The following FHIT variants were observed in gnomAD, a reference collection of about 807,000 sequenced individuals.
FHIT encodes bis(5'-adenosyl)-triphosphatase.
FHIT carries 19 observed loss-of-function variants against 17.9 expected under a neutral mutation model. The ratio of observed to expected loss-of-function variants is 1.06; its 90% CI spans 0.74 to 1.56. The LOEUF is 1.56. FHIT is among the 40% of genes most tolerant of loss of function. The pLI is 0.00. For synonymous variants in FHIT, 81 were observed against 69.7 expected, an observed-to-expected ratio of 1.16 and a Z score of -0.81; for missense variants, 248 against 189.2, an observed-to-expected ratio of 1.31 and a Z score of -1.82.
At chr3:60,707,668 C>T (rs569320895) in intron 4 of FHIT, among the ~76,000 whole-genome samples, 7 of 152,260 alleles carry the variant, frequency 4.6e-5, no homozygotes, top group South Asian at 2.1e-4. Context: ...GTTCTGTCTT[C>T]CCTTTTGAAT....
At chr3:60,700,668 A>T (rs1445613489) in intron 4 of FHIT, among the ~76,000 whole-genome samples, 1 of 152,194 alleles carries the variant, frequency 6.6e-6, no homozygotes, top group Non-Finnish European at 1.5e-5. Flanking sequence ...TTTGATAAAT[A>T]TATCCAGATT....
At chr3:59,862,252 G>A (rs589522) in intron 8 of FHIT, among the ~76,000 whole-genome samples, 83,044 of 152,102 alleles carry the variant, frequency 0.55, 24,061 homozygotes, top group African/African-American at 0.75. Context: ...GAGGCCATGC[G>A]CAGGGGAGCT....
intron 4 of FHIT, among the ~76,000 whole-genome samples, chr3:60,756,692 TG>T: frequency 6.6e-6 from 1 of 152,338 alleles, no homozygotes; most frequent in Non-Finnish European, 1.5e-5. Context: ...TGTTATCACC[TG>T]TGATCCTAAA....
chr3:60,883,678 T>C (rs782780418), intron 3 of FHIT, among the ~76,000 whole-genome samples: 1 of 151,940 alleles, frequency 6.6e-6, no homozygotes, highest in Non-Finnish European at 1.5e-5. Context: ...AAAATGAAAC[T>C]AGACCTCTGT....
chr3:60,665,669 T>C (rs1345884909), intron 4 of FHIT, among the ~76,000 whole-genome samples: 1 of 152,034 alleles, frequency 6.6e-6, no homozygotes, highest in Non-Finnish European at 1.5e-5. Flanking sequence ...AATCATAGAA[T>C]TTGAAGTGAG....
At chr3:60,252,598 G>A (rs213398) in intron 5 of FHIT, among the ~76,000 whole-genome samples, 67,546 of 151,438 alleles carry the variant, frequency 0.45, 15,880 homozygotes, top group African/African-American at 0.57. Flanking sequence ...GGAAATAAAC[G>A]TGTGCTCAAA....
Position 59,934,692 on chromosome 3 carries a change from G to A in FHIT, c.280-12278C>T, listed in dbSNP as rs145674437. Among the ~76,000 whole-genome samples, 1,024 of 152,234 alleles carry A rather than the reference G, an allele frequency of 6.7e-3. 16 individuals are homozygous for A. The highest frequency in any genetic ancestry group is 0.023 in the African/African-American group (975 of 41,536). On this transcript the variant is annotated intron_variant, in intron 7 of 9. Transcript: ENST00000492590. ...CCTCAGGAAACTTACAATCATGGCA[G>A]AAGGGGAAGCAAACATATCCTTCTT...
chr3:61,058,899 G>A (rs2034325518), intron 2 of FHIT, among the ~76,000 whole-genome samples: 1 of 152,138 alleles, frequency 6.6e-6, no homozygotes, highest in African/African-American at 2.4e-5. Flanking sequence ...GCTCATAAAT[G>A]ATGCAGCCAG....
chr3:61,168,814 C>A (rs1004219410), intron 2 of FHIT, among the ~76,000 whole-genome samples: 2 of 152,208 alleles, frequency 1.3e-5, no homozygotes, highest in African/African-American at 2.4e-5. Flanking sequence ...TTAACTCACA[C>A]CATGAAGCTC....
In FHIT at chr3:60,286,903, C is replaced by CA. The variant is rs1320480899; in HGVS notation, c.103+249956dup. On this transcript the variant is annotated intron_variant, in intron 5 of 9. Coordinates refer to ENST00000492590, the MANE Select transcript of FHIT (RefSeq NM_002012.4). Reference sequence around the variant, plus strand: ...TGGTCTTCACCCAAGCTCTTCCCTGCAAAAAAAAGTTAAGGCCTCAGATAT... The same window carrying CA: ...TGGTCTTCACCCAAGCTCTTCCCTGCAAAAAAAAAGTTAAGGCCTCAGATAT... 6.6e-5 allele frequency among the ~76,000 whole-genome samples: 10 copies of CA among 151,610 alleles called. No individual in the cohort carries two copies. In the East Asian group the frequency reaches 1.2e-3, roughly 18 times the overall value.
At chr3:59,780,618 G>A (rs977831327) in intron 8 of FHIT, among the ~76,000 whole-genome samples, 1 of 152,152 alleles carries the variant, frequency 6.6e-6, no homozygotes, top group Non-Finnish European at 1.5e-5. Context: ...AGGTGATTAG[G>A]GTTAGATGAG....
Position 60,044,392 on chromosome 3 carries a change from C to A in FHIT, c.104-30240G>T, listed in dbSNP as rs372158585. On this transcript the variant is annotated intron_variant, in intron 5 of 9. Transcript: ENST00000492590. Reference sequence around the variant, plus strand: ...CAGAGCACTCCCAAAGCATGCAGAACCCCCTGTAACATCACTCAACGCATT... The same window carrying A: ...CAGAGCACTCCCAAAGCATGCAGAAACCCCTGTAACATCACTCAACGCATT... Among the ~76,000 whole-genome samples the A allele has an allele frequency of 5.9e-5, 9 of 152,166 alleles. No individual in the cohort carries two copies. In the East Asian group the frequency reaches 1.2e-3, roughly 20 times the overall value.
At chr3:60,052,964 C>T (rs893243855) in intron 5 of FHIT, among the ~76,000 whole-genome samples, 9 of 151,848 alleles carry the variant, frequency 5.9e-5, no homozygotes, top group Non-Finnish European at 1.2e-4. Flanking sequence ...TATAAAATTA[C>T]ACTTAAAATA....
In FHIT at chr3:60,233,524, G is replaced by A. The variant is rs13325133; in HGVS notation, c.104-219372C>T. On this transcript the variant is annotated intron_variant, in intron 5 of 9. Coordinates refer to ENST00000492590, the MANE Select transcript of FHIT (RefSeq NM_002012.4). ...GCTACCTAAAGCACCTTCCCTCCCC[G>A]CTCTCCTCCTGCCCACCCCTCTGCA... Among the ~76,000 whole-genome samples, 846 of 151,698 alleles carry A rather than the reference G, an allele frequency of 5.6e-3. 10 individuals carry two copies. The highest frequency in any genetic ancestry group is 0.011 in the Admixed American group (173 of 15,254).
intron 5 of FHIT, among the ~76,000 whole-genome samples, chr3:60,439,727 C>A (rs1426523017): frequency 6.6e-6 from 1 of 152,088 alleles, no homozygotes; most frequent in East Asian, 1.9e-4. Context: ...TCACTCTTTT[C>A]TAAACTCCCA....
At chr3:60,762,809 G>A (rs547210849) in intron 4 of FHIT, among the ~76,000 whole-genome samples, 47 of 152,318 alleles carry the variant, frequency 3.1e-4, no homozygotes, top group African/African-American at 1.1e-3. Flanking sequence ...CCCCAGGGAA[G>A]AGGGAATTTT....
intron 5 of FHIT, among the ~76,000 whole-genome samples, chr3:60,151,175 T>C (rs776148999): frequency 6.6e-6 from 1 of 152,186 alleles, no homozygotes; most frequent in Non-Finnish European, 1.5e-5. Flanking sequence ...GTCAATTTCC[T>C]ACCCATTTAG....
intron 4 of FHIT, among the ~76,000 whole-genome samples, chr3:60,789,449 C>T (rs985467958): frequency 1.6e-4 from 24 of 152,094 alleles, no homozygotes; most frequent in Admixed American, 9.2e-4. Flanking sequence ...ACCCAGGAGA[C>T]AGAGGTTGCA....
At chr3:59,873,618 T>C (rs1158067384) in intron 8 of FHIT, among the ~76,000 whole-genome samples, 1 of 152,190 alleles carries the variant, frequency 6.6e-6, no homozygotes, top group Non-Finnish European at 1.5e-5. Flanking sequence ...TACAGCATGT[T>C]GAGCAGCATC....
Sources: allele counts gnomAD v4.1 joint callset (sites outside exome capture counted in the v4.1 genomes callset), GRCh38; gene constraint gnomAD v4.1.1; transcripts MANE v1.5; gene names NCBI Gene and HGNC (gene_info 2026-07-23, HGNC 2026-07-21).